Variants in RASA3 observed in about 807,000 individuals in gnomAD.
RASA3 encodes ras GTPase-activating protein 3.
A neutral mutation model predicts 110.0 loss-of-function variants in RASA3; 73 were observed. That is an observed-to-expected ratio of 0.66 (90% CI 0.55 to 0.81). RASA3 has a LOEUF of 0.81. RASA3 is among the 30% of genes least tolerant of loss of function. The probability of loss-of-function intolerance (pLI) is 0.00; values close to 1 mark genes in which losing one functional copy is unlikely to be tolerated. For missense variants in RASA3, 976 were observed against 1,113.2 expected, an observed-to-expected ratio of 0.88 and a Z score of 1.75; for synonymous variants, 500 against 451.4, an observed-to-expected ratio of 1.11 and a Z score of -1.37.
chr13:114,077,731 C>T (rs755768678), intron 1 of RASA3: 21 of 900,896 alleles, frequency 2.3e-5, no homozygotes, highest in South Asian at 5.2e-5. Context: ...CCTCCCTGCC[C>T]GATGATGCCC....
At chr13:114,009,948 G>A (rs1566472633) in intron 16 of RASA3, among the ~76,000 whole-genome samples, 1 of 152,232 alleles carries the variant, frequency 6.6e-6, no homozygotes. Context: ...GGGGGCCTTT[G>A]CAGCCACCAT....
At chr13:114,043,724 G>A (rs1314226806) in intron 3 of RASA3, among the ~76,000 whole-genome samples, 1 of 152,066 alleles carries the variant, frequency 6.6e-6, no homozygotes, top group Non-Finnish European at 1.5e-5. Flanking sequence ...GGGAGGCTCA[G>A]AGAGAAATCC....
chr13:114,051,617 G>A (rs1314528006), intron 3 of RASA3, among the ~76,000 whole-genome samples: 1 of 152,194 alleles, frequency 6.6e-6, no homozygotes, highest in East Asian at 1.9e-4. Flanking sequence ...GGGAAACTGA[G>A]GCAACATGCC....
At chr13:114,068,061 G>C (rs1255175387) in intron 2 of RASA3, among the ~76,000 whole-genome samples, 2 of 152,242 alleles carry the variant, frequency 1.3e-5, no homozygotes, top group Non-Finnish European at 2.9e-5. Context: ...CGCATAACCA[G>C]CTTTCGGAGC....
rs1285006249 is a variant in RASA3, at chr13:114,057,555, T to C, written c.174-5400A>G. 8 of 973,054 alleles carry C rather than the reference T, an allele frequency of 8.2e-6. No individual in the cohort carries two copies. The highest frequency in any genetic ancestry group is 7.0e-5 in the African/African-American group (4 of 56,920). The allele number at this position is 973,054 out of a possible 1,614,324, so 60.3% of individuals were successfully genotyped here. On this transcript the variant is annotated intron_variant, in intron 2 of 23. Transcript: ENST00000334062. This position sits in a 1 kb window ranked among gnomAD's most constrained non-coding sequence, Gnocchi z 5.0. ...ATAAGAAGGGCGATTCCAGGGACAG[T>C]GGAGGCCCCCACAGGAAGGAAACCT...
intron 1 of RASA3, among the ~76,000 whole-genome samples, chr13:114,125,556 G>A (rs1222464032): frequency 1.3e-5 from 2 of 152,122 alleles, no homozygotes; most frequent in African/African-American, 4.8e-5. Flanking sequence ...AGATCCAGTC[G>A]CTTCCCACCA....
chr13:114,046,325 A>G (rs1280943633), intron 3 of RASA3, among the ~76,000 whole-genome samples: 1 of 152,090 alleles, frequency 6.6e-6, no homozygotes, highest in Non-Finnish European at 1.5e-5. Flanking sequence ...GTGGAAGAAA[A>G]CAGTTTTATG....
chr13:114,056,827 G>A lies in RASA3; in HGVS notation c.174-4672C>T, dbSNP rs548184065. The A allele has an allele frequency of 3.3e-4, 123 of 370,156 alleles. No homozygotes were observed. The highest frequency in any genetic ancestry group is 2.7e-3 in the African/African-American group (121 of 45,652). The allele number at this position is 370,156 out of a possible 1,614,324, so 22.9% of individuals were successfully genotyped here. The stretch of plus-strand genomic sequence containing the variant: ...TTTCTAAATGTAAAAGCGGTTTATA[G>A]CAACACAGCATGGCCCTGCTGCACT... On this transcript the variant is annotated intron_variant, in intron 2 of 23. Coordinates refer to ENST00000334062, the MANE Select transcript of RASA3 (RefSeq NM_007368.4). The surrounding 1 kb of genome is among the most constrained non-coding windows in gnomAD (Gnocchi z 5.7).
intron 14 of RASA3, among the ~76,000 whole-genome samples, chr13:114,013,931 T>TCC (rs1566479238): frequency 9.5e-6 from 1 of 105,334 alleles, no homozygotes; most frequent in South Asian, 3.1e-4. Flanking sequence ...TCCGTCTCTC[T>TCC]CTCCCTGTCT....
At position 114,014,254 on chromosome 13, in the gene RASA3, T is replaced by A. The variant is rs1054073221; in HGVS notation, c.1405+955A>T. On this transcript the variant is annotated intron_variant, in intron 14 of 23. Coordinates refer to ENST00000334062, the MANE Select transcript of RASA3 (RefSeq NM_007368.4). This position sits in a 1 kb window ranked among gnomAD's most constrained non-coding sequence, Gnocchi z 4.5. The stretch of plus-strand genomic sequence containing the variant: ...CATTCCACAGTGGTCTGTGCTCATC[T>A]GGGTGAGAGGATGTGTTTTATCTCT... 5.3e-5 allele frequency among the ~76,000 whole-genome samples: 8 copies of A among 152,210 alleles called. No homozygotes were observed. Among genetic ancestry groups the A allele is most frequent in the African/African-American group, 1.9e-4 (8 of 41,460 alleles).
chr13:114,068,220 G>A (rs1468345169), intron 2 of RASA3, among the ~76,000 whole-genome samples: 2 of 152,170 alleles, frequency 1.3e-5, no homozygotes, highest in Admixed American at 6.5e-5. Flanking sequence ...TCCACAGAAA[G>A]GGGGGGCCAG....
chr13:114,061,028 C>T (rs571390641), intron 2 of RASA3, among the ~76,000 whole-genome samples: 1 of 152,126 alleles, frequency 6.6e-6, no homozygotes, highest in African/African-American at 2.4e-5. Flanking sequence ...CCCCCACAGC[C>T]GGCAGATGGA....
rs375632568 is a variant in RASA3 at position 114,115,248 on chromosome 13, G to A, written c.55+17187C>T. 3.3e-5 allele frequency among the ~76,000 whole-genome samples: 5 copies of A among 152,342 alleles called. No homozygotes were observed. The highest frequency in any genetic ancestry group is 9.6e-5 in the African/African-American group (4 of 41,564). ...ACATGTTTACGGTCCCTGTGCCGCC[G>A]TGCGGTAGCAGTTTTCCCGAGTGTC... On this transcript the variant is annotated intron_variant, in intron 1 of 23. Transcript: ENST00000334062. This position sits in a 1 kb window ranked among gnomAD's most constrained non-coding sequence, Gnocchi z 5.0.
chr13:114,124,541 C>T (rs1419463339), intron 1 of RASA3, among the ~76,000 whole-genome samples: 1 of 152,194 alleles, frequency 6.6e-6, no homozygotes, highest in Non-Finnish European at 1.5e-5. Flanking sequence ...TTGGACTCTG[C>T]GTCACACCCA....
At chr13:114,023,975 G>A (rs1344940160) in intron 8 of RASA3, among the ~76,000 whole-genome samples, 1 of 152,186 alleles carries the variant, frequency 6.6e-6, no homozygotes, top group East Asian at 1.9e-4. Flanking sequence ...CATGGAAGGC[G>A]GAGGGCTTAG....
chr13:114,014,034 G>T lies in RASA3; in HGVS notation c.1406-786C>A, dbSNP rs537991181. ...TGTCTCTCTCCATCTCTCTCTCTCC[G>T]TCTCTATCTCTCTCTCCGTCTGTCT... On this transcript the variant is annotated intron_variant, in intron 14 of 23. Coordinates refer to ENST00000334062, the MANE Select transcript of RASA3 (RefSeq NM_007368.4). This position sits in a 1 kb window ranked among gnomAD's most constrained non-coding sequence, Gnocchi z 4.5. 1.7e-5 allele frequency among the ~76,000 whole-genome samples: 1 copy of T among 57,632 alleles called. No individual in the cohort carries two copies. The highest frequency in any genetic ancestry group is 6.4e-5 in the African/African-American group (1 of 15,594). The allele number at this position is 57,632 out of a possible 152,430, so 37.8% of individuals were successfully genotyped here. A position where few individuals can be genotyped will look rare whatever the true frequency, so the allele number is the denominator to read the frequency against.
At chr13:114,116,858 G>A (rs532413205) in intron 1 of RASA3, among the ~76,000 whole-genome samples, 52 of 138,294 alleles carry the variant, frequency 3.8e-4, no homozygotes, top group African/African-American at 1.4e-3. Flanking sequence ...GGGTGTGCAC[G>A]TGTGTGAGGG....
At chr13:114,039,842 T>C (rs1212112589) in intron 4 of RASA3, among the ~76,000 whole-genome samples, 7 of 152,168 alleles carry the variant, frequency 4.6e-5, no homozygotes, top group Non-Finnish European at 1.0e-4. Context: ...CTCCCCCCAC[T>C]GGACAGGACC....
rs537563619 is a variant in RASA3 at position 114,096,640 on chromosome 13, G to A, written c.56-22803C>T. Among the ~76,000 whole-genome samples the A allele has an allele frequency of 3.9e-5, 6 of 152,094 alleles. 1 individual carries two copies. Among genetic ancestry groups the A allele is most frequent in the African/African-American group, 1.4e-4 (6 of 41,484 alleles). The stretch of plus-strand genomic sequence containing the variant: ...CAGCCAAATGACCCATTTCCCAAAC[G>A]CCTTCCCTTTCCATTCTCTAAATAC... On this transcript the variant is annotated intron_variant, in intron 1 of 23. Transcript: ENST00000334062. This position sits in a 1 kb window ranked among gnomAD's most constrained non-coding sequence, Gnocchi z 5.1.
Sources: allele counts gnomAD v4.1 joint callset (sites outside exome capture counted in the v4.1 genomes callset), GRCh38; gene constraint gnomAD v4.1.1; non-coding constraint Gnocchi (gnomAD v3.1); transcripts MANE v1.5; gene names NCBI Gene and HGNC (gene_info 2026-07-23, HGNC 2026-07-21).